Variants in HEXB observed in about 807,000 individuals in gnomAD.
HEXB encodes beta-hexosaminidase subunit beta.
Under a neutral mutation model 71.2 loss-of-function variants are expected in HEXB, and 51 were observed. The observed-to-expected ratio is 0.72, with a 90% confidence interval of 0.57 to 0.90. The LOEUF is 0.90. Ranked by LOEUF, HEXB falls within the 40% of genes least tolerant of loss-of-function variation. The pLI, the probability that HEXB is intolerant of heterozygous loss-of-function variation, is 0.00. For missense variants in HEXB, 617 were observed against 677.0 expected, an observed-to-expected ratio of 0.91 and a Z score of 0.98; for synonymous variants, 266 against 249.3, an observed-to-expected ratio of 1.07 and a Z score of -0.63.
At chr5:74,648,403 A>T (rs1748040057) in intron 1 of HEXB, among the ~76,000 whole-genome samples, 1 of 152,204 alleles carries the variant, frequency 6.6e-6, no homozygotes, top group South Asian at 2.1e-4. Flanking sequence ...ATGGAGGCAC[A>T]CTCAAATAGT....
intron 6 of HEXB, among the ~76,000 whole-genome samples, chr5:74,707,271 C>A (rs375204946): frequency 3.7e-4 from 41 of 110,204 alleles, no homozygotes; most frequent in Non-Finnish European, 7.7e-4. Flanking sequence ...GAAAGGACAT[C>A]CACACCAAAA....
intron 1 of HEXB, among the ~76,000 whole-genome samples, chr5:74,659,777 G>A (rs1351127691): frequency 6.6e-6 from 1 of 152,112 alleles, no homozygotes; most frequent in Non-Finnish European, 1.5e-5. Context: ...TGCACATGAA[G>A]TGCTCTTCTT....
upstream of HEXB, among the ~76,000 whole-genome samples, chr5:74,683,821 CTTTT>C (rs35751282): frequency 7.4e-6 from 1 of 135,790 alleles, no homozygotes; most frequent in African/African-American, 2.8e-5. Context: ...TCTTTTCTTT[CTTTT>C]TTTTTTTTTT....
At chr5:74,708,387 A>G (rs1094147) in intron 6 of HEXB, among the ~76,000 whole-genome samples, 135,603 of 146,724 alleles carry the variant, frequency 0.92, 62,849 homozygotes, top group African/African-American at 0.98. Context: ...ATCAACTAAC[A>G]AGCAAAATAA....
chr5:74,678,735 G>T (rs573313553), intron 1 of HEXB, among the ~76,000 whole-genome samples: 1 of 151,996 alleles, frequency 6.6e-6, no homozygotes, highest in Non-Finnish European at 1.5e-5. Context: ...AAAAGCTACC[G>T]TAAAACAACA....
chr5:74,691,957 T>C (rs923709146), intron 2 of HEXB, among the ~76,000 whole-genome samples: 65 of 152,180 alleles, frequency 4.3e-4, no homozygotes, highest in African/African-American at 1.5e-3. Context: ...TCTATAGCTA[T>C]GTGTCCATAT....
chr5:74,696,938 A>C, intron 4 of HEXB, 58 bp from the exon 5 acceptor site: 1 of 925,914 alleles, frequency 1.1e-6, no homozygotes, highest in Non-Finnish European at 1.8e-6. Flanking sequence ...TTTAGTCTTC[A>C]TTGAGTTCAA....
intron 7 of HEXB, among the ~76,000 whole-genome samples, chr5:74,715,042 A>C (rs1429123692): frequency 6.6e-6 from 1 of 152,234 alleles, no homozygotes; most frequent in Admixed American, 6.5e-5. Flanking sequence ...GAATTTGGCA[A>C]CTGATGGACT....
chr5:74,674,576 T>TCTGGGAGA (rs1748597319), intron 1 of HEXB, among the ~76,000 whole-genome samples: 1 of 140,862 alleles, frequency 7.1e-6, no homozygotes, highest in Non-Finnish European at 1.5e-5. Context: ...TGCACTCCAG[T>TCTGGGAGA]CTGGGAGACA....
chr5:74,664,448 A>AAAAAAAAAAAAC (rs756960235), intron 1 of HEXB, among the ~76,000 whole-genome samples: 4,312 of 125,564 alleles, frequency 0.034, 302 homozygotes, highest in Non-Finnish European at 0.053. Context: ...AAAAAAAAAA[A>AAAAAAAAAAAAC]AAAAACAGAG....
intron 2 of HEXB, among the ~76,000 whole-genome samples, chr5:74,692,351 A>G (rs982173183): frequency 2.6e-5 from 4 of 151,632 alleles, no homozygotes; most frequent in South Asian, 2.1e-4. Flanking sequence ...AAAAAAAAAA[A>G]AGAAAGAGAA....
intron 1 of HEXB, among the ~76,000 whole-genome samples, chr5:74,654,831 T>A (rs1451234779): frequency 2.0e-5 from 3 of 152,162 alleles, no homozygotes; most frequent in African/African-American, 7.2e-5. Context: ...GTGAATTGAA[T>A]GTGGGCAATG....
intron 5 of HEXB, among the ~76,000 whole-genome samples, chr5:74,698,525 G>T (rs912643894): frequency 1.3e-5 from 2 of 151,846 alleles, no homozygotes; most frequent in Non-Finnish European, 2.9e-5. Context: ...CCGAGTAGCT[G>T]GGATTACAGG....
intron 12 of HEXB, 45 bp downstream of exon 12, chr5:74,720,563 C>A: frequency 6.3e-7 from 1 of 1,588,024 alleles, no homozygotes; most frequent in Non-Finnish European, 8.6e-7. Context: ...GGTGCCTTAG[C>A]TTTCCTTCTC....
At chr5:74,651,574 G>C (rs1748111176) in intron 1 of HEXB, among the ~76,000 whole-genome samples, 1 of 152,164 alleles carries the variant, frequency 6.6e-6, no homozygotes, top group Non-Finnish European at 1.5e-5. Flanking sequence ...AGTTTCATTG[G>C]ATGCCTCAAG....
At position 74,641,828 on chromosome 5, in the gene HEXB, T is replaced by C. The variant is rs1437936063; in HGVS notation, c.-377+1270T>C. On this transcript the variant is annotated intron_variant, in intron 1 of 13. Coordinates refer to the HEXB transcript ENST00000511181. The surrounding 1 kb of genome is among the most constrained non-coding windows in gnomAD (Gnocchi z 4.1). ...GAGCTAAGTCTATAAATGAACGGGA[T>C]AGATGACCGGTCCAGCCCCCTTGTT... is the stretch of plus-strand genomic sequence containing the variant. Among the ~76,000 whole-genome samples, 1 of 152,156 alleles carries C rather than the reference T, an allele frequency of 6.6e-6. No individual in the cohort carries two copies. The highest frequency in any genetic ancestry group is 1.5e-5 in the Non-Finnish European group (1 of 68,032).
rs762238455 is a variant in HEXB at position 74,715,496 on chromosome 5, A to C, written c.902-14A>C. On this transcript the variant is annotated splice_polypyrimidine_tract_variant and intron_variant, in intron 7 of 13. Transcript: ENST00000261416. ...TACACTTCTTTTAAAAAGAATCTTA[A>C]TATTTTCTTCTAGGTCAGAAAGACC... The C allele has an allele frequency of 6.4e-7, 1 of 1,571,898 alleles. No individual in the cohort carries two copies. Among genetic ancestry groups the C allele is most frequent in the Non-Finnish European group, 8.8e-7 (1 of 1,141,726 alleles).
chr5:74,690,784 G>A (rs772139176), intron 2 of HEXB, among the ~76,000 whole-genome samples: 16 of 150,834 alleles, frequency 1.1e-4, no homozygotes, highest in Non-Finnish European at 1.5e-4. Context: ...TCATCCTGCT[G>A]GTTTAGATGA....
chr5:74,713,430 C>T, intron 6 of HEXB, 76 bp from the exon 7 acceptor site: 3 of 1,415,898 alleles, frequency 2.1e-6, no homozygotes, highest in Non-Finnish European at 3.0e-6. Flanking sequence ...ATATCAAATG[C>T]AAGCACAATT....
Sources: allele counts gnomAD v4.1 joint callset (sites outside exome capture counted in the v4.1 genomes callset), GRCh38; gene constraint gnomAD v4.1.1; non-coding constraint Gnocchi (gnomAD v3.1); transcripts MANE v1.5; gene names NCBI Gene and HGNC (gene_info 2026-07-23, HGNC 2026-07-21).